The following RAVER2 variants were observed in gnomAD, a reference collection of about 807,000 sequenced individuals.
The protein encoded by RAVER2 is ribonucleoprotein PTB-binding 2.
In RAVER2, 46 loss-of-function variants were observed where a neutral mutation model predicts 78.1. That is an observed-to-expected ratio of 0.59 (90% CI 0.46 to 0.75). RAVER2 has a LOEUF of 0.75. Among genes scored for constraint, RAVER2 ranks in the 30% least tolerant of loss-of-function variants. RAVER2 has a pLI of 0.00. For synonymous variants in RAVER2, 311 were observed against 313.3 expected (o/e 0.99, Z 0.08); for missense variants, 793 against 837.5 (o/e 0.95, Z 0.66).
chr1:64,779,044 A>G (rs545404159), intron 3 of RAVER2, among the ~76,000 whole-genome samples: 5 of 150,240 alleles, frequency 3.3e-5, no homozygotes, highest in African/African-American at 1.2e-4. Context: ...TATCATGTAT[A>G]ACATGTTTTG....
At chr1:64,832,699 A>C (rs1255301106) in exon 12 of RAVER2, 1 of 152,186 alleles carries the variant, frequency 6.6e-6, no homozygotes, top group African/African-American at 2.4e-5. Context: ...TTGGAAAATG[A>C]CTGACAGCTA....
chr1:64,824,371 C>G (rs909495515), intron 11 of RAVER2, among the ~76,000 whole-genome samples: 4 of 152,150 alleles, frequency 2.6e-5, no homozygotes, highest in African/African-American at 9.7e-5. Flanking sequence ...TGCTGCCACC[C>G]AGTGGTCAAA....
chr1:64,831,136 A>G (rs1218545775), exon 12 of RAVER2: 12 of 722,586 alleles, frequency 1.7e-5, no homozygotes, highest in Non-Finnish European at 2.5e-5. Context: ...CAGAAATGCC[A>G]AATAAAAAAT....
intron 1 of RAVER2, among the ~76,000 whole-genome samples, chr1:64,749,746 T>G (rs1395566226): frequency 6.6e-6 from 1 of 152,252 alleles, no homozygotes; most frequent in Non-Finnish European, 1.5e-5. Context: ...TCTGGTCTTT[T>G]GCAACTGAAT....
chr1:64,793,573 A>T (rs1027872260), intron 5 of RAVER2, among the ~76,000 whole-genome samples: 4 of 152,268 alleles, frequency 2.6e-5, no homozygotes, highest in African/African-American at 9.6e-5. Context: ...TTATTGAGGA[A>T]TAGTTTATGT....
intron 4 of RAVER2, among the ~76,000 whole-genome samples, chr1:64,788,494 A>G (rs1652844848): frequency 6.7e-6 from 1 of 150,314 alleles, no homozygotes; most frequent in African/African-American, 2.5e-5. Flanking sequence ...TAAAAAAACA[A>G]TAATAAAGAA....
At chr1:64,817,757 G>T (rs1173156098) in intron 11 of RAVER2, among the ~76,000 whole-genome samples, 1 of 134,524 alleles carries the variant, frequency 7.4e-6, no homozygotes, top group Non-Finnish European at 1.6e-5. Flanking sequence ...CTGTCGTGGG[G>T]TGGGGGGAGG....
intron 1 of RAVER2, among the ~76,000 whole-genome samples, chr1:64,757,975 C>G (rs1023315735): frequency 2.6e-5 from 4 of 152,094 alleles, no homozygotes; most frequent in Non-Finnish European, 5.9e-5. Context: ...ATCACCGCTG[C>G]AGATGCTTGC....
chr1:64,822,237 A>G (rs1021927470), intron 11 of RAVER2, among the ~76,000 whole-genome samples: 5 of 152,204 alleles, frequency 3.3e-5, no homozygotes, highest in African/African-American at 4.8e-5. Flanking sequence ...GCAGTGAGCC[A>G]AGATTGCGCC....
chr1:64,818,354 G>A (rs1653803073), intron 11 of RAVER2, among the ~76,000 whole-genome samples: 1 of 152,116 alleles, frequency 6.6e-6, no homozygotes, highest in African/African-American at 2.4e-5. Flanking sequence ...GGCTAACATG[G>A]TGAAACCCCA....
intron 11 of RAVER2, among the ~76,000 whole-genome samples, chr1:64,826,529 G>A (rs1025901524): frequency 7.9e-5 from 12 of 152,156 alleles, no homozygotes; most frequent in Admixed American, 2.6e-4. Context: ...AGAAGAAGAG[G>A]GAGCAAAGTG....
chr1:64,750,666 T>C (rs1329421018), intron 1 of RAVER2, among the ~76,000 whole-genome samples: 1 of 152,218 alleles, frequency 6.6e-6, no homozygotes, highest in Non-Finnish European at 1.5e-5. Context: ...TGGTAATTAT[T>C]GCCTCTTTTT....
intron 4 of RAVER2, 121 bp downstream of exon 4, chr1:64,781,692 C>A: frequency 1.0e-6 from 1 of 962,356 alleles, no homozygotes; most frequent in Non-Finnish European, 1.5e-6. Flanking sequence ...ATTTCCATCA[C>A]ACTGAAGACT....
At chr1:64,833,188 G>T in exon 12 of RAVER2, 3 of 193,602 alleles carry the variant, frequency 1.5e-5, no homozygotes, top group Non-Finnish European at 3.2e-5. Flanking sequence ...TGTTTGAAAT[G>T]CTTTGAAAAT....
rs1005464053 is a variant in RAVER2 at position 64,745,775 on chromosome 1, G to T, written c.249+354G>T. On this transcript the variant is annotated intron_variant, in intron 1 of 11. Transcript: ENST00000294428. The surrounding 1 kb of genome is among the most constrained non-coding windows in gnomAD (Gnocchi z 4.3). ...TGAGTTGTGGAGCACACATTTTGCG[G>T]GGGGGAGCGGGGGTAGAGGGGGCCG... is the stretch of plus-strand genomic sequence containing the variant. 1.3e-5 allele frequency among the ~76,000 whole-genome samples: 2 copies of T among 152,024 alleles called. No individual in the cohort carries two copies. The highest frequency in any genetic ancestry group is 6.5e-5 in the Admixed American group (1 of 15,270).
chr1:64,786,829 C>T (rs2100845816), intron 4 of RAVER2, among the ~76,000 whole-genome samples: 1 of 152,138 alleles, frequency 6.6e-6, no homozygotes, highest in Non-Finnish European at 1.5e-5. Context: ...TTTTTAGTCA[C>T]ATATATTCTA....
chr1:64,748,883 A>T (rs2100797920), intron 1 of RAVER2, among the ~76,000 whole-genome samples: 1 of 152,204 alleles, frequency 6.6e-6, no homozygotes, highest in Middle Eastern at 3.4e-3. Context: ...TGTCACCTGG[A>T]CTGGAGTGCG....
chr1:64,771,195 A>G (rs1485169324), intron 2 of RAVER2, among the ~76,000 whole-genome samples: 1 of 151,882 alleles, frequency 6.6e-6, no homozygotes, highest in Non-Finnish European at 1.5e-5. Flanking sequence ...ATTTAGCGGG[A>G]CAAAGATTAA....
At chr1:64,810,426 T>C (rs1330282521) in intron 9 of RAVER2, among the ~76,000 whole-genome samples, 1 of 152,202 alleles carries the variant, frequency 6.6e-6, no homozygotes, top group East Asian at 1.9e-4. Flanking sequence ...CATTTTCACA[T>C]GGTAAAAGGC....
Sources: gnomAD v4.1 joint callset for allele counts (sites outside exome capture counted in the v4.1 genomes callset) on GRCh38, gnomAD v4.1.1 for gene constraint, Gnocchi (gnomAD v3.1) non-coding constraint, MANE v1.5 for transcripts, NCBI Gene and HGNC (gene_info 2026-07-23, HGNC 2026-07-21) for gene names.